The following MEI1 variants were observed in gnomAD, a reference collection of about 807,000 sequenced individuals.
MEI1 encodes the protein meiotic double-stranded break formation protein 1.
In MEI1, 103 loss-of-function variants were observed where a neutral mutation model predicts 146.2. The ratio of observed to expected loss-of-function variants is 0.70; its 90% CI spans 0.60 to 0.83. The LOEUF is 0.83. Among genes scored for constraint, MEI1 ranks in the 40% least tolerant of loss-of-function variants. The pLI, the probability that MEI1 is intolerant of heterozygous loss-of-function variation, is 0.00. For missense variants in MEI1, 1,529 were observed against 1,533.0 expected (o/e 1.00, Z 0.04); for synonymous variants, 652 against 628.2 (o/e 1.04, Z -0.57).
At chr22:41,700,749 A>AATTTT (rs1317653538) in intron 1 of MEI1, among the ~76,000 whole-genome samples, 8 of 117,670 alleles carry the variant, frequency 6.8e-5, no homozygotes, top group African/African-American at 3.0e-4. Context: ...GCAGTTCTCA[A>AATTTT]TTTTTTTTTT....
chr22:41,724,604 G>A (rs1337154109), intron 7 of MEI1, among the ~76,000 whole-genome samples: 5 of 143,710 alleles, frequency 3.5e-5, no homozygotes, highest in Admixed American at 7.1e-5. Flanking sequence ...GTGACAGAAC[G>A]AGACTCTGTC....
intron 11 of MEI1, among the ~76,000 whole-genome samples, chr22:41,741,957 A>G (rs2072909096): frequency 6.6e-6 from 1 of 151,450 alleles, no homozygotes; most frequent in Admixed American, 6.6e-5. Flanking sequence ...AAAAAAAAAA[A>G]AAAGAGAAAA....
At chr22:41,782,055 C>G (rs1461293287) in intron 24 of MEI1, among the ~76,000 whole-genome samples, 1 of 152,144 alleles carries the variant, frequency 6.6e-6, no homozygotes, top group Non-Finnish European at 1.5e-5. Flanking sequence ...CCACTTAACA[C>G]ATAAGGTTTA....
In MEI1 at chr22:41,784,792, C is replaced by T; in HGVS notation, c.3345+9C>T. 1.3e-6 allele frequency: 2 copies of T among 1,587,526 alleles called. No individual in the cohort carries two copies. Among genetic ancestry groups the T allele is most frequent in the South Asian group, 2.3e-5 (2 of 87,552 alleles). On this transcript the variant is annotated intron_variant, in intron 26 of 30. Coordinates refer to ENST00000401548, the MANE Select transcript of MEI1 (RefSeq NM_152513.4). ...AGAACCTCCTGGTGCAGGTAAGGCC[C>T]TTGCTGAGTGGGGCTTGCTTCTCCC...
At chr22:41,705,364 GT>G in intron 2 of MEI1, 139 bp from the exon 3 acceptor site, 1 of 729,356 alleles carries the variant, frequency 1.4e-6, no homozygotes, top group South Asian at 1.5e-5. Context: ...TAGAGAGAGG[GT>G]TTCGCCATAT....
intron 11 of MEI1, 142 bp downstream of exon 11, chr22:41,732,745 T>C: frequency 1.1e-6 from 1 of 902,976 alleles, no homozygotes; most frequent in South Asian, 2.2e-5. Context: ...GGATTCCACA[T>C]CCATGGATTC....
Position 41,718,218 on chromosome 22 carries a change from T to A in MEI1, c.677T>A (p.Leu226His), listed in dbSNP as rs1029059687. The A allele has an allele frequency of 3.1e-6, 5 of 1,613,804 alleles. No individual in the cohort carries two copies. The highest frequency in any genetic ancestry group is 4.2e-6 in the Non-Finnish European group (5 of 1,179,834). Residue 226 changes from leucine (L) to histidine (H), a missense_variant, in exon 6 of 31, where the codon CTC becomes CAC. This residue lies in a region of MEI1 where 1,212 missense variants were observed against 1,178.9 expected (regional missense o/e 1.03). Transcript: ENST00000401548. ...CACTTCCGTGAGAAGCTTTTTCCCC[T>A]CTTCCTTTCCATCCTGGATGGTGCC... ...SGHFREKLFP[L>H]FLSILDGAQT... is the part of the protein sequence containing the mutation.
At chr22:41,764,359 C>T (rs1424408303) in intron 19 of MEI1, among the ~76,000 whole-genome samples, 1 of 152,156 alleles carries the variant, frequency 6.6e-6, no homozygotes, top group African/African-American at 2.4e-5. Context: ...TGGATCTAGG[C>T]AATGATCACC....
intron 1 of MEI1, 97 bp downstream of exon 1, chr22:41,699,809 C>G (rs1453078651): frequency 1.4e-6 from 2 of 1,384,142 alleles, no homozygotes; most frequent in Non-Finnish European, 1.9e-6. Flanking sequence ...GTGAACCCGA[C>G]GCGAAACCGG....
intron 19 of MEI1, 129 bp downstream of exon 19, chr22:41,763,450 A>G: frequency 1.0e-6 from 1 of 996,566 alleles, no homozygotes; most frequent in East Asian, 2.5e-5. Context: ...AGGTGTTAGG[A>G]GTGTGGAGAG....
At chr22:41,785,921 T>TA (rs1253076423) in intron 26 of MEI1, among the ~76,000 whole-genome samples, 84 of 143,996 alleles carry the variant, frequency 5.8e-4, no homozygotes, top group African/African-American at 2.0e-3. Context: ...TTTTATTTTT[T>TA]TTTTTTTGAG....
intron 16 of MEI1, 56 bp downstream of exon 16, chr22:41,752,707 G>A: frequency 6.9e-7 from 1 of 1,443,168 alleles, no homozygotes; most frequent in Non-Finnish European, 9.6e-7. Context: ...CCCTCTTGAT[G>A]GGACAAGTGG....
chr22:41,730,456 C>T, intron 8 of MEI1, 65 bp from the exon 9 acceptor site: 1 of 1,076,520 alleles, frequency 9.3e-7, no homozygotes, highest in Admixed American at 1.7e-5. Context: ...AAGGCCTTAG[C>T]ATCAGTTAAG....
intron 6 of MEI1, among the ~76,000 whole-genome samples, chr22:41,722,916 T>C (rs906390130): frequency 4.6e-5 from 7 of 152,226 alleles, no homozygotes; most frequent in Non-Finnish European, 8.8e-5. Context: ...CCAGAATCCT[T>C]AACATAGCTT....
chr22:41,784,145 G>A (rs758816143), intron 24 of MEI1, among the ~76,000 whole-genome samples, 194 bp from the exon 25 acceptor site: 2 of 152,208 alleles, frequency 1.3e-5, no homozygotes, highest in Non-Finnish European at 2.9e-5. Context: ...GAGTTCTCCA[G>A]GTTCGGACTT....
chr22:41,749,371 G>A (rs1450219375), intron 15 of MEI1, among the ~76,000 whole-genome samples: 1 of 152,018 alleles, frequency 6.6e-6, no homozygotes, highest in African/African-American at 2.4e-5. Flanking sequence ...CGCCTCCCGG[G>A]TTCAAGTGAT....
chr22:41,746,083 G>A lies in MEI1; in HGVS notation c.1680+57G>A, dbSNP rs374978143. On this transcript the variant is annotated intron_variant, in intron 14 of 30. Coordinates refer to ENST00000401548, the MANE Select transcript of MEI1 (RefSeq NM_152513.4). ...GCTTGGGGAAGAGAAGAATGTGCAG[G>A]CGAGCCAGGCTCAGAGGCATAAGGC... The A allele has an allele frequency of 6.0e-6, 9 of 1,493,068 alleles. No individual in the cohort carries two copies. The African/African-American group carries it at 1.1e-4, about 18-fold the overall frequency. The allele number at this position is 1,493,068 out of a possible 1,614,324, so 92.5% of individuals were successfully genotyped here.
At chr22:41,761,630 A>G (rs1053886890) in intron 18 of MEI1, among the ~76,000 whole-genome samples, 2 of 150,794 alleles carry the variant, frequency 1.3e-5, no homozygotes, top group Non-Finnish European at 3.0e-5. Flanking sequence ...GTCTTAAAAG[A>G]AAAAAAAAAT....
intron 16 of MEI1, 25 bp from the exon 17 acceptor site, chr22:41,753,924 T>C (rs1218364056): frequency 6.7e-7 from 1 of 1,502,504 alleles, no homozygotes; most frequent in East Asian, 2.3e-5. Context: ...TCATCTCTTC[T>C]ATTCTTTCTT....
Sources: gnomAD v4.1 joint callset for allele counts (sites outside exome capture counted in the v4.1 genomes callset) on GRCh38, gnomAD v4.1.1 for gene constraint, gnomAD v4.1.1 regional missense constraint, MANE v1.5 for transcripts, NCBI Gene and HGNC (gene_info 2026-07-23, HGNC 2026-07-21) for gene names.